Variants in UVRAG observed in about 807,000 individuals in gnomAD.
UVRAG encodes the protein UV radiation resistance-associated gene protein.
UVRAG carries 19 observed loss-of-function variants against 78.0 expected under a neutral mutation model. That is an observed-to-expected ratio of 0.24 (90% CI 0.17 to 0.36). The LOEUF (loss-of-function observed/expected upper bound fraction) is 0.36, where lower values mean the gene tolerates loss of function less well. Among genes scored for constraint, UVRAG ranks in the 10% least tolerant of loss-of-function variants. The pLI, the probability that UVRAG is intolerant of heterozygous loss-of-function variation, is 1.00. For missense variants in UVRAG, 740 were observed against 853.8 expected (o/e 0.87, Z 1.66); for synonymous variants, 323 against 324.6 (o/e 1.00, Z 0.05).
intron 6 of UVRAG, among the ~76,000 whole-genome samples, chr11:75,954,623 CTG>C (rs1267245509): frequency 6.6e-6 from 1 of 152,204 alleles, no homozygotes; most frequent in Non-Finnish European, 1.5e-5. Flanking sequence ...AATTTTGGGA[CTG>C]TGCTTTTATG....
At chr11:76,119,350 G>A (rs117410256) in intron 14 of UVRAG, among the ~76,000 whole-genome samples, 2,080 of 150,554 alleles carry the variant, frequency 0.014, 19 homozygotes, top group Non-Finnish European at 0.023. Flanking sequence ...TTCCTCCTCC[G>A]CCTCCTCTCT....
At chr11:76,138,663 C>T (rs117954643) in intron 14 of UVRAG, among the ~76,000 whole-genome samples, 229 of 152,316 alleles carry the variant, frequency 1.5e-3, no homozygotes, top group Non-Finnish European at 2.7e-3. Context: ...AGGATGGCAG[C>T]GCAGGGTCAC....
intron 1 of UVRAG, among the ~76,000 whole-genome samples, chr11:75,847,942 G>T (rs1459020062): frequency 6.7e-6 from 1 of 149,266 alleles, no homozygotes; most frequent in African/African-American, 2.5e-5. Flanking sequence ...CTGCACTCCA[G>T]CCTGGCAACA....
At chr11:76,032,772 A>G (rs1950458934) in intron 12 of UVRAG, among the ~76,000 whole-genome samples, 2 of 152,324 alleles carry the variant, frequency 1.3e-5, no homozygotes, top group African/African-American at 4.8e-5. Flanking sequence ...ATGTAATGAA[A>G]CACGTACACT....
chr11:75,877,416 G>C (rs1375038365), intron 3 of UVRAG, among the ~76,000 whole-genome samples: 3 of 151,892 alleles, frequency 2.0e-5, no homozygotes, highest in African/African-American at 4.8e-5. Context: ...TCACTTCCCA[G>C]TAGGGGCGGC....
At chr11:76,017,958 A>G (rs1045209248) in intron 12 of UVRAG, among the ~76,000 whole-genome samples, 5 of 152,202 alleles carry the variant, frequency 3.3e-5, no homozygotes, top group African/African-American at 1.2e-4. Context: ...GAAAGGAACA[A>G]AGAATAAGAG....
intron 5 of UVRAG, among the ~76,000 whole-genome samples, chr11:75,902,632 A>AT (rs1565371621): frequency 6.6e-6 from 1 of 151,440 alleles, no homozygotes; most frequent in African/African-American, 2.4e-5. Flanking sequence ...TTTATTAACT[A>AT]TTTTTTCATT....
At chr11:75,933,247 T>A (rs1769285797) in intron 6 of UVRAG, among the ~76,000 whole-genome samples, 1 of 152,088 alleles carries the variant, frequency 6.6e-6, no homozygotes, top group South Asian at 2.1e-4. Flanking sequence ...GTTAAGAACA[T>A]ACATTGGAGA....
chr11:75,979,037 C>T (rs994567022), intron 7 of UVRAG, among the ~76,000 whole-genome samples: 16 of 152,292 alleles, frequency 1.1e-4, no homozygotes, highest in South Asian at 4.2e-4. Flanking sequence ...ATGATGGTGA[C>T]GTACAGATGG....
intron 1 of UVRAG, among the ~76,000 whole-genome samples, chr11:75,831,726 C>A (rs1434051054): frequency 6.6e-6 from 1 of 152,172 alleles, no homozygotes; most frequent in Non-Finnish European, 1.5e-5. Flanking sequence ...AAACAAGGAG[C>A]TGGAGAGTAC....
At chr11:76,119,044 A>G (rs577997262) in intron 14 of UVRAG, among the ~76,000 whole-genome samples, 3 of 152,246 alleles carry the variant, frequency 2.0e-5, no homozygotes, top group Admixed American at 6.5e-5. Flanking sequence ...CATTTCTCCA[A>G]TTCCTAGTTA....
intron 12 of UVRAG, among the ~76,000 whole-genome samples, chr11:76,030,176 T>C (rs941872629): frequency 2.0e-5 from 3 of 152,184 alleles, no homozygotes; most frequent in Non-Finnish European, 1.5e-5. Flanking sequence ...AGTCACTCTT[T>C]ATTGAGATAC....
At chr11:75,901,077 C>T (rs1273323947) in intron 5 of UVRAG, among the ~76,000 whole-genome samples, 1 of 152,170 alleles carries the variant, frequency 6.6e-6, no homozygotes, top group Admixed American at 6.5e-5. Context: ...GAGATACGTA[C>T]ACAGTTTTAT....
intron 14 of UVRAG, among the ~76,000 whole-genome samples, chr11:76,139,345 A>C (rs1952660510): frequency 6.6e-6 from 1 of 152,162 alleles, no homozygotes; most frequent in South Asian, 2.1e-4. Context: ...GTAATTTGAA[A>C]ATGTATTATT....
chr11:76,043,923 C>G (rs1950697432), intron 12 of UVRAG, among the ~76,000 whole-genome samples: 1 of 152,220 alleles, frequency 6.6e-6, no homozygotes, highest in African/African-American at 2.4e-5. Flanking sequence ...GGAATAGTGT[C>G]ATTGTGGAGT....
At chr11:76,070,783 G>C (rs910260700) in intron 13 of UVRAG, among the ~76,000 whole-genome samples, 1 of 152,128 alleles carries the variant, frequency 6.6e-6, no homozygotes, top group Non-Finnish European at 1.5e-5. Context: ...ATTTATATAA[G>C]TATCTACAAA....
At chr11:75,869,232 G>C (rs2134817160) in intron 3 of UVRAG, among the ~76,000 whole-genome samples, 1 of 152,246 alleles carries the variant, frequency 6.6e-6, no homozygotes, top group Admixed American at 6.5e-5. Flanking sequence ...TCACTGATAG[G>C]CTTTATCATT....
At chr11:76,030,027 T>C (rs911868644) in intron 12 of UVRAG, among the ~76,000 whole-genome samples, 4 of 152,206 alleles carry the variant, frequency 2.6e-5, no homozygotes, top group Non-Finnish European at 5.9e-5. Context: ...TAATATGTTT[T>C]TAAACTAAGA....
At chr11:76,131,002 T>C (rs1346525290) in intron 14 of UVRAG, among the ~76,000 whole-genome samples, 1 of 151,980 alleles carries the variant, frequency 6.6e-6, no homozygotes, top group African/African-American at 2.4e-5. Flanking sequence ...TATCAAGTGT[T>C]GTCCAGATAC....
Sources: allele counts gnomAD v4.1 joint callset (sites outside exome capture counted in the v4.1 genomes callset), GRCh38; gene constraint gnomAD v4.1.1; transcripts MANE v1.5; gene names NCBI Gene and HGNC (gene_info 2026-07-23, HGNC 2026-07-21).